Variants in GNAI2 observed in about 807,000 individuals in gnomAD.
The protein encoded by GNAI2 is G protein subunit alpha i2.
A neutral mutation model predicts 36.8 loss-of-function variants in GNAI2; 4 were observed. The observed-to-expected ratio is 0.11, with a 90% CI of 0.05 to 0.25. The LOEUF (loss-of-function observed/expected upper bound fraction) is 0.25, where lower values mean the gene tolerates loss of function less well. Among genes scored for constraint, GNAI2 ranks in the 10% least tolerant of loss-of-function variants. The probability of loss-of-function intolerance (pLI) is 1.00; values close to 1 mark genes in which losing one functional copy is unlikely to be tolerated. For synonymous variants in GNAI2, 194 were observed against 194.1 expected, an observed-to-expected ratio of 1.00 and a Z score of 0.01; for missense variants, 230 against 481.3, an observed-to-expected ratio of 0.48 and a Z score of 4.89.
At chr3:50,235,793 G>A (rs1700151444), upstream of GNAI2, among the ~76,000 whole-genome samples, 1 of 152,096 alleles carries the variant, frequency 6.6e-6, no homozygotes, top group East Asian at 1.9e-4. Context: ...CACCTAACTC[G>A]CCCAACTCGC....
At chr3:50,234,295 C>G (rs1425245644), upstream of GNAI2, among the ~76,000 whole-genome samples, 1 of 151,756 alleles carries the variant, frequency 6.6e-6, no homozygotes, top group East Asian at 1.9e-4. Flanking sequence ...CTCCTGACCT[C>G]GTGATCTGCC....
At chr3:50,235,391 C>T (rs918052457), upstream of GNAI2, 1 of 151,744 alleles carries the variant, frequency 6.6e-6, no homozygotes, top group Non-Finnish European at 1.5e-5. Flanking sequence ...GCGATCTCGG[C>T]TCACTGCAAC....
Position 50,242,972 on chromosome 3 carries a change from C to T in GNAI2, c.118+6519C>T, listed in dbSNP as rs976001527. On this transcript the variant is annotated intron_variant, in intron 1 of 8. Coordinates refer to ENST00000313601, the MANE Select transcript of GNAI2 (RefSeq NM_002070.4). This position sits in a 1 kb window ranked among gnomAD's most constrained non-coding sequence, Gnocchi z 4.8. ...CATGGCAGGGCAGGGCTGGGCCTCT[C>T]GGGGAAGTGGTGTCCACACCAGAGG... is the stretch of plus-strand genomic sequence containing the variant. 3.3e-5 allele frequency among the ~76,000 whole-genome samples: 5 copies of T among 152,110 alleles called. No homozygotes were observed. Among genetic ancestry groups the T allele is most frequent in the Non-Finnish European group, 7.3e-5 (5 of 68,036 alleles).
chr3:50,227,160 CA>C, upstream of GNAI2: 1 of 1,445,626 alleles, frequency 6.9e-7, no homozygotes, highest in Non-Finnish European at 9.1e-7. This position sits in a 1 kb window ranked among gnomAD's most constrained non-coding sequence, Gnocchi z 5.9. Context: ...CTGGACGAAG[CA>C]GAAAGGCGGG....
At chr3:50,243,963 A>C (rs1700356082) in intron 1 of GNAI2, among the ~76,000 whole-genome samples, 1 of 149,950 alleles carries the variant, frequency 6.7e-6, no homozygotes, top group South Asian at 2.1e-4. Flanking sequence ...GGAAGGTGGG[A>C]CCCAAGACTC....
upstream of GNAI2, chr3:50,236,065 C>T (rs1553700295): frequency 2.0e-6 from 1 of 498,862 alleles, no homozygotes; most frequent in Non-Finnish European, 2.8e-6. The surrounding 1 kb of genome is among the most constrained non-coding windows in gnomAD (Gnocchi z 4.0). Flanking sequence ...GCTCCGCCCT[C>T]GAGCCAATCA....
At chr3:50,257,289 T>C (rs1489268948) in intron 7 of GNAI2, among the ~76,000 whole-genome samples, 199 bp downstream of exon 7, 2 of 152,206 alleles carry the variant, frequency 1.3e-5, no homozygotes, top group Non-Finnish European at 2.9e-5. Context: ...CATGTACCCC[T>C]GAACATGTGT....
Position 50,236,473 on chromosome 3 carries a change from T to A in GNAI2, c.118+20T>A. ...TGTTGGGTGAGGCCGCGTCCCGCAC[T>A]GGGATCCTTGATTCCCAGCTCGAAT... is the stretch of plus-strand genomic sequence containing the variant. On this transcript the variant is annotated intron_variant, in intron 1 of 8. Transcript: ENST00000313601. The surrounding 1 kb of genome is among the most constrained non-coding windows in gnomAD (Gnocchi z 4.0). The A allele has an allele frequency of 6.4e-7, 1 of 1,570,804 alleles. No individual in the cohort carries two copies. The highest frequency in any genetic ancestry group is 8.6e-7 in the Non-Finnish European group (1 of 1,162,940).
chr3:50,234,643 A>G (rs148327666), upstream of GNAI2, among the ~76,000 whole-genome samples: 8 of 152,268 alleles, frequency 5.3e-5, no homozygotes, highest in East Asian at 1.5e-3. Context: ...ATGAGCAACC[A>G]TGCCCAGCCA....
At chr3:50,233,892 C>CTTT (rs11313623), upstream of GNAI2, among the ~76,000 whole-genome samples, 10 of 110,208 alleles carry the variant, frequency 9.1e-5, no homozygotes, top group Non-Finnish European at 1.6e-4. Context: ...TAACAAGGTT[C>CTTT]TTTTTTTTTT....
chr3:50,244,113 C>T (rs937701935), intron 1 of GNAI2, among the ~76,000 whole-genome samples: 2 of 150,758 alleles, frequency 1.3e-5, no homozygotes, highest in Non-Finnish European at 2.9e-5. Context: ...ACTGCAACCT[C>T]CGCCTCCTGG....
In GNAI2 at chr3:50,252,918, G is replaced by T. The variant is rs1237422599; in HGVS notation, c.304-106G>T. ...GTTTTAGGGCAAGTCTCATCCTAGG[G>T]AATCCAAGAATACCCTAGCCTGGGC... is the stretch of plus-strand genomic sequence containing the variant. On this transcript the variant is annotated intron_variant, in intron 3 of 8. Transcript: ENST00000313601. The surrounding 1 kb of genome is among the most constrained non-coding windows in gnomAD (Gnocchi z 4.1). 2.1e-5 allele frequency: 18 copies of T among 869,290 alleles called. No individual in the cohort carries two copies. In the Admixed American group the frequency reaches 4.2e-4, roughly 20 times the overall value. 53.8% of individuals were successfully genotyped at this position (869,290 alleles called of 1,614,324 possible). A position where few individuals can be genotyped will look rare whatever the true frequency, so the allele number is the denominator to read the frequency against.
upstream of GNAI2, among the ~76,000 whole-genome samples, chr3:50,232,745 A>T (rs1039621696): frequency 6.6e-6 from 1 of 152,182 alleles, no homozygotes; most frequent in East Asian, 1.9e-4. Context: ...TTGTAGGGAA[A>T]CAGGAGAGCC....
At chr3:50,254,930 G>T (rs1337154458) in intron 4 of GNAI2, among the ~76,000 whole-genome samples, 1 of 152,238 alleles carries the variant, frequency 6.6e-6, no homozygotes, top group Non-Finnish European at 1.5e-5. Flanking sequence ...CTCCAAGTGT[G>T]CAGCGAGTCA....
chr3:50,234,042 C>T (rs1017866111), upstream of GNAI2, among the ~76,000 whole-genome samples: 39 of 147,332 alleles, frequency 2.6e-4, no homozygotes, highest in African/African-American at 8.3e-4. Context: ...ATTACAGGCA[C>T]GTGCCACCAC....
At chr3:50,227,209 C>A (rs1161269856), upstream of GNAI2, 22 of 1,398,704 alleles carry the variant, frequency 1.6e-5, no homozygotes, top group Non-Finnish European at 2.0e-5. This position sits in a 1 kb window ranked among gnomAD's most constrained non-coding sequence, Gnocchi z 5.9. Context: ...CCGATGGCGG[C>A]TATCGCGGAG....
At position 50,238,867 on chromosome 3, in the gene GNAI2, G is replaced by A. The variant is rs1297113215; in HGVS notation, c.118+2414G>A. On this transcript the variant is annotated intron_variant, in intron 1 of 8. Transcript: ENST00000313601. This position sits in a 1 kb window ranked among gnomAD's most constrained non-coding sequence, Gnocchi z 5.0. ...TTGTCCAGGCAACGGGACTCAGGTT[G>A]GGCAACTGCCAGCCTTCCCTCCCAG... is the stretch of plus-strand genomic sequence containing the variant. Among the ~76,000 whole-genome samples the A allele has an allele frequency of 6.6e-6, 1 of 152,222 alleles. No individual in the cohort carries two copies. The highest frequency in any genetic ancestry group is 1.5e-5 in the Non-Finnish European group (1 of 68,034).
Position 50,256,197 on chromosome 3 carries a change from T to C in GNAI2, c.470T>C (p.Leu157Pro), listed in dbSNP as rs1575456229. Residue 157 changes from leucine to proline, a missense_variant, in exon 5 of 9, where the codon CTG (leucine) becomes CCG (proline). Physicochemically the swap from Leu to Pro is moderately conservative, Grantham distance 98. Transcript: ENST00000313601. ...CTCCCACCCCCCATCCCCAGCTACC[T>C]GAACGACCTGGAGCGTATTGCACAG... ...YQLNDSAAYY[L>P]NDLERIAQSD... is the part of the protein sequence containing the mutation. 2 of 615,256 alleles carry C rather than the reference T, an allele frequency of 3.3e-6. No individual in the cohort carries two copies. The highest frequency in any genetic ancestry group is 2.5e-5 in the African/African-American group (1 of 40,410). The allele number at this position is 615,256 out of a possible 1,614,324, so 38.1% of individuals were successfully genotyped here. A position where few individuals can be genotyped will look rare whatever the true frequency, so the allele number is the denominator to read the frequency against.
At chr3:50,231,005 T>A (rs1368313128) in intron 1 of GNAI2, 1 of 972,904 alleles carries the variant, frequency 1.0e-6, no homozygotes, top group Non-Finnish European at 1.2e-6. Context: ...AGGGGTTTGT[T>A]TCTTCAGCTC....
Sources: gnomAD v4.1 joint callset for allele counts (sites outside exome capture counted in the v4.1 genomes callset) on GRCh38, gnomAD v4.1.1 for gene constraint, Gnocchi (gnomAD v3.1) non-coding constraint, MANE v1.5 for transcripts, NCBI Gene and HGNC (gene_info 2026-07-23, HGNC 2026-07-21) for gene names.